Variants in LOC400499 observed in about 807,000 individuals in gnomAD.
the LOC400499 span, among the ~76,000 whole-genome samples, chr16:11,495,595 G>C: frequency 6.6e-5 from 10 of 152,234 alleles, no homozygotes; most frequent in African/African-American, 2.4e-4. Context: ...GGCCAGGCTG[G>C]TGGTGAACCC....
At chr16:11,408,480 G>C in the LOC400499 span, among the ~76,000 whole-genome samples, 1 of 134,820 alleles carries the variant, frequency 7.4e-6, no homozygotes. Flanking sequence ...TTTAGACAGA[G>C]ACAGGGTCTG....
the LOC400499 span, among the ~76,000 whole-genome samples, chr16:11,448,745 GA>G: frequency 1.3e-5 from 2 of 151,760 alleles, no homozygotes; most frequent in African/African-American, 4.8e-5. Context: ...AGAAAAGAAG[GA>G]AAAGGAAAAA....
At chr16:11,434,635 G>A in the LOC400499 span, among the ~76,000 whole-genome samples, 1 of 152,224 alleles carries the variant, frequency 6.6e-6, no homozygotes, top group Non-Finnish European at 1.5e-5. Context: ...GCAGAAAAGA[G>A]TTTGTTTTTT....
chr16:11,436,809 G>T, the LOC400499 span, among the ~76,000 whole-genome samples: 2 of 151,826 alleles, frequency 1.3e-5, no homozygotes, highest in South Asian at 2.1e-4. Context: ...TCCCAGGTTG[G>T]TCTCGAACTT....
the LOC400499 span, among the ~76,000 whole-genome samples, chr16:11,397,383 C>T: frequency 2.6e-5 from 4 of 152,164 alleles, no homozygotes; most frequent in Non-Finnish European, 5.9e-5. Flanking sequence ...AAGCGATTCT[C>T]CTACCTCAGC....
At chr16:11,449,875 C>T in the LOC400499 span, among the ~76,000 whole-genome samples, 1 of 152,268 alleles carries the variant, frequency 6.6e-6, no homozygotes, top group Non-Finnish European at 1.5e-5. Context: ...GATCTGGACA[C>T]TTGCCGGCAC....
the LOC400499 span, chr16:11,450,865 G>C: frequency 6.7e-7 from 1 of 1,496,398 alleles, no homozygotes; most frequent in African/African-American, 1.4e-5. Context: ...GGGTAGAGAG[G>C]AAGCTTCTAG....
At chr16:11,386,936 A>G in the LOC400499 span, among the ~76,000 whole-genome samples, 1 of 152,160 alleles carries the variant, frequency 6.6e-6, no homozygotes, top group Non-Finnish European at 1.5e-5. Context: ...GCCAAGACTT[A>G]TATTCTGGAC....
At chr16:11,521,435 C>G in the LOC400499 span, among the ~76,000 whole-genome samples, 1 of 152,166 alleles carries the variant, frequency 6.6e-6, no homozygotes, top group East Asian at 1.9e-4. Flanking sequence ...GGGCCTAGCT[C>G]ATAATTCTGC....
At chr16:11,398,257 C>G in the LOC400499 span, 4 of 1,137,680 alleles carry the variant, frequency 3.5e-6, no homozygotes, top group Non-Finnish European at 4.4e-6. Context: ...CTCGCTCACA[C>G]CCCTGCATTC....
chr16:11,448,019 G>T, the LOC400499 span: 2 of 1,535,906 alleles, frequency 1.3e-6, no homozygotes, highest in African/African-American at 1.4e-5. Flanking sequence ...AGGCCCCGAG[G>T]CTGGCCCTGG....
chr16:11,458,869 T>C, the LOC400499 span, among the ~76,000 whole-genome samples: 2 of 151,724 alleles, frequency 1.3e-5, no homozygotes, highest in Non-Finnish European at 1.5e-5. Flanking sequence ...ATCCCGTCTC[T>C]ACTAAAAATA....
At chr16:11,505,478 G>C in the LOC400499 span, among the ~76,000 whole-genome samples, 1 of 98,718 alleles carries the variant, frequency 1.0e-5, no homozygotes, top group Non-Finnish European at 1.8e-5. Flanking sequence ...TTTTGGAGAA[G>C]AGTCTCACTC....
the LOC400499 span, chr16:11,450,838 G>A: frequency 1.1e-5 from 17 of 1,521,288 alleles, no homozygotes; most frequent in Admixed American, 1.8e-4. Flanking sequence ...CAACAAAGAA[G>A]GAGAATCTGG....
chr16:11,383,840 T>G, the LOC400499 span: 1 of 1,232,170 alleles, frequency 8.1e-7, no homozygotes, highest in Non-Finnish European at 1.0e-6. Context: ...CTAAGCTTGA[T>G]GAGACAAAGG....
the LOC400499 span, among the ~76,000 whole-genome samples, chr16:11,432,666 C>A: frequency 4.8e-3 from 725 of 152,308 alleles, 6 homozygotes; most frequent in African/African-American, 0.017. Context: ...GACACAGTTC[C>A]TATCATCACA....
chr16:11,446,514 C>T, the LOC400499 span: 1 of 1,526,490 alleles, frequency 6.6e-7, no homozygotes, highest in Non-Finnish European at 8.8e-7. Flanking sequence ...CCAGGGCTGG[C>T]TGGGGTGCAA....
chr16:11,392,693 C>T, the LOC400499 span: 3 of 831,596 alleles, frequency 3.6e-6, no homozygotes, highest in Non-Finnish European at 4.4e-6. Context: ...CCTCCCCCGA[C>T]ACGGCAGTCA....
At chr16:11,496,996 G>C in the LOC400499 span, among the ~76,000 whole-genome samples, 1 of 151,992 alleles carries the variant, frequency 6.6e-6, no homozygotes, top group African/African-American at 2.4e-5. Context: ...TCCTGGGAAA[G>C]CCTGCCTCAG....
Sources: gnomAD v4.1 joint callset for allele counts (sites outside exome capture counted in the v4.1 genomes callset) on GRCh38, gnomAD v4.1.1 for gene constraint, MANE v1.5 for transcripts.